SORCS1: variants seen among roughly 807,000 people sequenced by gnomAD.
SORCS1 encodes the protein VPS10 domain-containing receptor SorCS1.
Under a neutral mutation model 146.1 loss-of-function variants are expected in SORCS1, and 60 were observed. That is an observed-to-expected ratio of 0.41 (90% confidence interval 0.33 to 0.51). The LOEUF is 0.51. Among genes scored for constraint, SORCS1 ranks in the 20% least tolerant of loss-of-function variants. The pLI is 0.21. For synonymous variants in SORCS1, 637 were observed against 584.0 expected (o/e 1.09, Z -1.31); for missense variants, 1,352 against 1,487.6 (o/e 0.91, Z 1.50).
At position 106,794,675 on chromosome 10, in the gene SORCS1, C is replaced by T. The variant is rs557495630; in HGVS notation, c.727-17983G>A. On this transcript the variant is annotated intron_variant, in intron 3 of 25. Transcript: ENST00000263054. The stretch of plus-strand genomic sequence containing the variant: ...CCGCCACCACGCCCGGCTAATTTTT[C>T]GTGTTTTTTAGTAGAGACGGGTTTT... Among the ~76,000 whole-genome samples, 31 of 151,776 alleles carry T rather than the reference C, an allele frequency of 2.0e-4. No homozygotes were observed. The East Asian group carries it at 3.7e-3, about 18-fold the overall frequency.
intron 1 of SORCS1, among the ~76,000 whole-genome samples, chr10:107,099,211 T>C (rs760021549): frequency 2.0e-5 from 3 of 152,232 alleles, no homozygotes; most frequent in Non-Finnish European, 4.4e-5. Context: ...GGCAGCTTGA[T>C]ACAGGATATT....
chr10:107,095,037 T>C (rs939775615), intron 1 of SORCS1, among the ~76,000 whole-genome samples: 10 of 151,766 alleles, frequency 6.6e-5, no homozygotes, highest in Non-Finnish European at 1.5e-5. Context: ...GATGTAAAAA[T>C]CCCCCCTGGC....
chr10:106,615,548 T>G (rs1235229457), intron 21 of SORCS1, among the ~76,000 whole-genome samples: 19 of 152,146 alleles, frequency 1.2e-4, no homozygotes, highest in Non-Finnish European at 2.5e-4. Flanking sequence ...GTGTGGTTAC[T>G]CATGCCTGTA....
intron 10 of SORCS1, among the ~76,000 whole-genome samples, chr10:106,682,483 C>T (rs1259808149): frequency 6.6e-6 from 1 of 152,138 alleles, no homozygotes. Flanking sequence ...AGTGATTCAT[C>T]TTCACTTTTT....
chr10:106,725,150 A>G (rs1589743901), intron 6 of SORCS1, among the ~76,000 whole-genome samples: 1 of 152,192 alleles, frequency 6.6e-6, no homozygotes, highest in Non-Finnish European at 1.5e-5. Flanking sequence ...AAAACAAAAC[A>G]AAACAAAACA....
intron 2 of SORCS1, among the ~76,000 whole-genome samples, chr10:106,902,217 T>C (rs923629488): frequency 3.9e-5 from 6 of 152,166 alleles, no homozygotes; most frequent in Admixed American, 1.3e-4. Context: ...AATAGGTTTC[T>C]TGATACAGAC....
At chr10:106,616,081 T>A (rs868432524) in intron 21 of SORCS1, among the ~76,000 whole-genome samples, 2 of 152,198 alleles carry the variant, frequency 1.3e-5, no homozygotes, top group Non-Finnish European at 2.9e-5. Context: ...ACCACCATCG[T>A]TATGATCATA....
At chr10:106,647,898 C>T (rs1381467208) in intron 18 of SORCS1, among the ~76,000 whole-genome samples, 1 of 152,116 alleles carries the variant, frequency 6.6e-6, no homozygotes, top group African/African-American at 2.4e-5. Flanking sequence ...GACAGGGTCT[C>T]GCTCTGTCAG....
intron 5 of SORCS1, among the ~76,000 whole-genome samples, chr10:106,732,370 T>G (rs577633330): frequency 4.3e-4 from 65 of 152,286 alleles, no homozygotes; most frequent in African/African-American, 1.5e-3. Flanking sequence ...AGGCTTTGGG[T>G]GGTGACTCTC....
chr10:106,804,308 G>A (rs1481773304), intron 3 of SORCS1, among the ~76,000 whole-genome samples: 4 of 149,832 alleles, frequency 2.7e-5, no homozygotes, highest in Non-Finnish European at 5.9e-5. Context: ...ACTCTAGACT[G>A]GTTACAGAGT....
intron 2 of SORCS1, among the ~76,000 whole-genome samples, chr10:106,889,533 G>A (rs1454629391): frequency 6.6e-6 from 1 of 152,026 alleles, no homozygotes; most frequent in Non-Finnish European, 1.5e-5. Context: ...GGAGGCCGAG[G>A]TGGGCAGATC....
chr10:106,925,810 A>G (rs1952985314), intron 2 of SORCS1, among the ~76,000 whole-genome samples: 1 of 152,206 alleles, frequency 6.6e-6, no homozygotes, highest in Admixed American at 6.5e-5. Context: ...CTAGAGCCCA[A>G]CGGAGGGTCC....
At chr10:106,896,541 A>G (rs1564786312) in intron 2 of SORCS1, among the ~76,000 whole-genome samples, 3 of 152,008 alleles carry the variant, frequency 2.0e-5, no homozygotes. Context: ...TTACAAGATG[A>G]AAATTTTTTT....
chr10:106,921,472 C>G (rs1454360780), intron 2 of SORCS1, among the ~76,000 whole-genome samples: 1 of 152,192 alleles, frequency 6.6e-6, no homozygotes, highest in Non-Finnish European at 1.5e-5. Context: ...ACTTTCTCCT[C>G]TCTTAATTCC....
chr10:107,033,170 A>C (rs1469707182), intron 1 of SORCS1, among the ~76,000 whole-genome samples: 2 of 152,208 alleles, frequency 1.3e-5, no homozygotes, highest in African/African-American at 4.8e-5. Context: ...CACAGCCAGC[A>C]GGAAAGAGAA....
At chr10:107,150,182 G>A (rs756283781) in intron 1 of SORCS1, among the ~76,000 whole-genome samples, 6 of 152,072 alleles carry the variant, frequency 3.9e-5, no homozygotes, top group African/African-American at 7.2e-5. Flanking sequence ...TATTCCCAGC[G>A]CTCAGCACAG....
rs564380076 is a variant in SORCS1 at position 106,888,362 on chromosome 10, T to G, written c.627-58689A>C. 1.2e-4 allele frequency among the ~76,000 whole-genome samples: 18 copies of G among 152,236 alleles called. No homozygotes were observed. In the South Asian group the frequency reaches 1.9e-3, roughly 16 times the overall value. ...CTGTACATTAAGGAGGTTCGTGCCT[T>G]TAACATTTTTTTCATGATAGAAACA... On this transcript the variant is annotated intron_variant, in intron 2 of 25. Coordinates refer to ENST00000263054, the MANE Select transcript of SORCS1 (RefSeq NM_052918.5).
At chr10:107,163,860 C>T in intron 1 of SORCS1, 109 bp downstream of exon 1, 1 of 1,271,460 alleles carries the variant, frequency 7.9e-7, no homozygotes, top group Non-Finnish European at 1.1e-6. Flanking sequence ...TTTGCAGCAT[C>T]TCCCATGTCC....
intron 2 of SORCS1, among the ~76,000 whole-genome samples, chr10:106,906,701 G>C (rs1419150948): frequency 6.6e-6 from 1 of 151,948 alleles, no homozygotes; most frequent in Non-Finnish European, 1.5e-5. Flanking sequence ...ATCTGGGTGG[G>C]GACACAGCCA....
Sources: allele counts gnomAD v4.1 joint callset (sites outside exome capture counted in the v4.1 genomes callset), GRCh38; gene constraint gnomAD v4.1.1; transcripts MANE v1.5; gene names NCBI Gene and HGNC (gene_info 2026-07-23, HGNC 2026-07-21).